Variants in MEF2C observed in about 807,000 individuals in gnomAD.
The protein encoded by MEF2C is myocyte enhancer factor 2C.
Under a neutral mutation model 50.5 loss-of-function variants are expected in MEF2C, and 6 were observed. The ratio of observed to expected loss-of-function variants is 0.12; its 90% CI spans 0.07 to 0.23. MEF2C has a LOEUF of 0.23. MEF2C is among the 10% of genes least tolerant of loss of function. The pLI is 1.00. For synonymous variants in MEF2C, 183 were observed against 228.0 expected, an observed-to-expected ratio of 0.80 and a Z score of 1.78; for missense variants, 276 against 605.0, an observed-to-expected ratio of 0.46 and a Z score of 5.70.
rs1166020652 is a variant in MEF2C at position 88,719,586 on chromosome 5, GGCTCT to G, written c.*3013_*3017del. The G allele has an allele frequency of 6.6e-6, 1 of 152,134 alleles. No individual in the cohort carries two copies. The highest frequency in any genetic ancestry group is 1.5e-5 in the Non-Finnish European group (1 of 67,998). 9.4% of individuals were successfully genotyped at this position (152,134 alleles called of 1,614,324 possible). A position where few individuals can be genotyped will look rare whatever the true frequency, so the allele number is the denominator to read the frequency against. On this transcript the variant is annotated 3_prime_UTR_variant, in exon 11 of 11. Coordinates refer to ENST00000504921, the MANE Select transcript of MEF2C (RefSeq NM_002397.5). ...GTTATGTAAAATAATACTCCCTCAG[GGCTCT>G]GCCCTAAAGTCTGGAATACAAAGGA... is the stretch of plus-strand genomic sequence containing the variant.
At chr5:88,868,031 C>T (rs962809476) in intron 1 of MEF2C, among the ~76,000 whole-genome samples, 3 of 152,074 alleles carry the variant, frequency 2.0e-5, no homozygotes, top group Non-Finnish European at 4.4e-5. Context: ...ACTAAGCAAA[C>T]GCAAAGAAAG....
At chr5:88,723,417 C>T (rs1490685803) in intron 10 of MEF2C, among the ~76,000 whole-genome samples, 1 of 152,184 alleles carries the variant, frequency 6.6e-6, no homozygotes, top group Non-Finnish European at 1.5e-5. Flanking sequence ...TAAGCACATA[C>T]AGATGGAATC....
chr5:88,735,309 ACCT>A, intron 6 of MEF2C: 7 of 985,260 alleles, frequency 7.1e-6, no homozygotes, highest in Non-Finnish European at 8.4e-6. Flanking sequence ...GGGAAACACC[ACCT>A]CTCAACAACC....
chr5:88,825,655 T>G (rs946529487), intron 1 of MEF2C: 2 of 984,560 alleles, frequency 2.0e-6, no homozygotes, highest in Non-Finnish European at 2.4e-6. Context: ...TGTCCATCTA[T>G]TTTTAGAAAA....
chr5:88,847,541 AC>A (rs1819760449), intron 1 of MEF2C, among the ~76,000 whole-genome samples: 1 of 152,198 alleles, frequency 6.6e-6, no homozygotes, highest in South Asian at 2.1e-4. Flanking sequence ...AAGAAAGAAG[AC>A]ATGAAGAAGC....
intron 6 of MEF2C, chr5:88,741,188 A>G: frequency 8.1e-6 from 8 of 985,402 alleles, no homozygotes; most frequent in Non-Finnish European, 9.6e-6. Flanking sequence ...TTCACCACAC[A>G]TTTCATAAAT....
At chr5:88,885,327 T>A (rs1294230928), upstream of MEF2C, among the ~76,000 whole-genome samples, 1 of 152,176 alleles carries the variant, frequency 6.6e-6, no homozygotes, top group East Asian at 1.9e-4. Flanking sequence ...GAAGGTTTAT[T>A]TTATAGGCAA....
At chr5:88,750,872 A>G (rs925169929) in intron 5 of MEF2C, among the ~76,000 whole-genome samples, 4 of 152,350 alleles carry the variant, frequency 2.6e-5, no homozygotes, top group African/African-American at 9.6e-5. Flanking sequence ...AAATTCCTCC[A>G]TGAATAAACT....
intron 3 of MEF2C, among the ~76,000 whole-genome samples, chr5:88,804,323 C>T (rs937355647): frequency 9.2e-5 from 14 of 152,192 alleles, no homozygotes; most frequent in Non-Finnish European, 8.8e-5. Flanking sequence ...TGGACAATGA[C>T]CACTTGCCAA....
chr5:88,750,341 C>A (rs35148765), intron 5 of MEF2C: 73,565 of 150,566 alleles, frequency 0.49, 19,266 homozygotes, highest in East Asian at 0.59. Flanking sequence ...GTAGCCGGGA[C>A]CACATACACA....
At chr5:88,811,670 CT>C (rs558598363) in intron 2 of MEF2C, among the ~76,000 whole-genome samples, 3 of 151,938 alleles carry the variant, frequency 2.0e-5, no homozygotes, top group East Asian at 1.9e-4. Context: ...AATAAAATAA[CT>C]TTTTTTGTAG....
chr5:88,875,351 T>A (rs1830730652), intron 1 of MEF2C, among the ~76,000 whole-genome samples: 1 of 152,028 alleles, frequency 6.6e-6, no homozygotes, highest in Non-Finnish European at 1.5e-5. Flanking sequence ...TAAAAATTTT[T>A]GCAGCACCAC....
At chr5:88,740,512 T>C (rs1159322649) in intron 6 of MEF2C, 1 of 982,392 alleles carries the variant, frequency 1.0e-6, no homozygotes. Context: ...CTTAAGAAGC[T>C]TCCGTTACTT....
At chr5:88,832,674 T>C (rs1271509966) in intron 1 of MEF2C, among the ~76,000 whole-genome samples, 1 of 152,158 alleles carries the variant, frequency 6.6e-6, no homozygotes. Flanking sequence ...GATTTAGATT[T>C]TGAACAACTG....
chr5:88,813,663 T>C (rs1272236448), intron 2 of MEF2C, among the ~76,000 whole-genome samples: 1 of 152,162 alleles, frequency 6.6e-6, no homozygotes, highest in Non-Finnish European at 1.5e-5. Flanking sequence ...AACAAAAATC[T>C]GATCTATGGG....
chr5:88,779,120 G>A (rs1200469329), intron 3 of MEF2C, among the ~76,000 whole-genome samples: 2 of 152,172 alleles, frequency 1.3e-5, no homozygotes, highest in Admixed American at 6.5e-5. Flanking sequence ...CTTTTCACAT[G>A]CGCTTAAAGT....
In MEF2C at chr5:88,777,899, CTTTTTT is replaced by C. The variant is rs57841792; in HGVS notation, c.259-16577_259-16572del. ...AGAAAGGGTGCTAAATTTTTCTTTT[CTTTTTT>C]TTTTTTTTTTTTTTTTTGAGATGGA... On this transcript the variant is annotated intron_variant, in intron 3 of 10. Coordinates refer to ENST00000504921, the MANE Select transcript of MEF2C (RefSeq NM_002397.5). 1.5e-3 allele frequency among the ~76,000 whole-genome samples: 118 copies of C among 77,318 alleles called. 2 individuals carry two copies. Among genetic ancestry groups the C allele is most frequent in the Middle Eastern group, 0.013 (1 of 80 alleles). The allele number at this position is 77,318 out of a possible 152,430, so 50.7% of individuals were successfully genotyped here.
intron 3 of MEF2C, among the ~76,000 whole-genome samples, chr5:88,800,087 G>A (rs1797752513): frequency 6.6e-6 from 1 of 152,170 alleles, no homozygotes; most frequent in African/African-American, 2.4e-5. Context: ...ACTGGACTGT[G>A]GGCCCAGACT....
At chr5:88,774,471 C>T (rs1421242701) in intron 3 of MEF2C, among the ~76,000 whole-genome samples, 2 of 151,914 alleles carry the variant, frequency 1.3e-5, no homozygotes, top group Non-Finnish European at 2.9e-5. Flanking sequence ...TACAGGCGCC[C>T]GCCACCACGC....
Sources: allele counts gnomAD v4.1 joint callset (sites outside exome capture counted in the v4.1 genomes callset), GRCh38; gene constraint gnomAD v4.1.1; transcripts MANE v1.5; gene names NCBI Gene and HGNC (gene_info 2026-07-23, HGNC 2026-07-21).